Variants in DMD observed in about 807,000 individuals in gnomAD.
DMD encodes dystrophin, also known as mutant dystrophin.
In DMD, 63 loss-of-function variants were observed where a neutral mutation model predicts 330.1. That is an observed-to-expected ratio of 0.19 (90% CI 0.16 to 0.24). The LOEUF is 0.24. Ranked by LOEUF, DMD falls within the 10% of genes least tolerant of loss-of-function variation. The probability of loss-of-function intolerance (pLI) is 1.00; values close to 1 mark genes in which losing one functional copy is unlikely to be tolerated. For synonymous variants in DMD, 1,223 were observed against 959.8 expected (o/e 1.27, Z -5.07); for missense variants, 3,344 against 2,684.1 (o/e 1.25, Z -5.43).
chrX:33,293,598 C>T (rs2053544269), intron 1 of DMD, among the ~76,000 whole-genome samples: 1 of 110,858 alleles, frequency 9.0e-6, no homozygotes, highest in South Asian at 3.8e-4. Flanking sequence ...ATGATCATAC[C>T]TAGCTGCAAT....
At chrX:31,764,756 G>C (rs1348807963) in intron 51 of DMD, among the ~76,000 whole-genome samples, 3 of 111,614 alleles carry the variant, frequency 2.7e-5, no homozygotes, top group South Asian at 3.7e-4. Context: ...TAATTGAAGA[G>C]AGAAGATGAC....
intron 1 of DMD, among the ~76,000 whole-genome samples, chrX:33,199,787 G>A (rs763462229): frequency 4.0e-4 from 45 of 111,330 alleles, no homozygotes; most frequent in African/African-American, 1.3e-3. Flanking sequence ...CTCCAAAGTA[G>A]TAGTGAAGCC....
rs565107629 is a variant in DMD at position 32,287,500 on chromosome X, G to A, written c.6290+29C>T. ...CCCTGAAAACAAATCATTTCTGCAA[G>A]TATCAAGAAAAATATATGTGTTACC... On this transcript the variant is annotated intron_variant, in intron 43 of 78. Coordinates refer to ENST00000357033, the MANE Select transcript of DMD (RefSeq NM_004006.3). 1.8e-5 allele frequency: 21 copies of A among 1,186,956 alleles called. No individual in the cohort carries two copies. In the East Asian group the frequency reaches 2.7e-4, roughly 15 times the overall value.
intron 17 of DMD, among the ~76,000 whole-genome samples, chrX:32,537,786 CA>C (rs2048124895): frequency 1.8e-5 from 2 of 112,229 alleles, no homozygotes; most frequent in African/African-American, 6.5e-5. Context: ...TTTCTTCACT[CA>C]AAAAACGAAC....
At chrX:31,753,771 A>G (rs1000463120) in intron 51 of DMD, among the ~76,000 whole-genome samples, 1 of 111,969 alleles carries the variant, frequency 8.9e-6, no homozygotes, top group Non-Finnish European at 1.9e-5. Context: ...ATTCCTGTAC[A>G]TAAATTTTGT....
chrX:31,449,410 T>C (rs2065523029), intron 59 of DMD, among the ~76,000 whole-genome samples: 1 of 111,201 alleles, frequency 9.0e-6, no homozygotes, highest in Non-Finnish European at 1.9e-5. Flanking sequence ...CCTGACTTTC[T>C]CATTTTCTCC....
At chrX:32,472,402 T>A in intron 21 of DMD, 93 bp from the exon 22 acceptor site, 1 of 833,938 alleles carries the variant, frequency 1.2e-6, no homozygotes, top group Admixed American at 2.7e-5. Flanking sequence ...ATTATATTAC[T>A]AGTTTCAAAT....
At chrX:31,892,124 A>C (rs1311437649) in intron 47 of DMD, among the ~76,000 whole-genome samples, 1 of 111,961 alleles carries the variant, frequency 8.9e-6, no homozygotes, top group African/African-American at 3.2e-5. Flanking sequence ...AAACTTGAAT[A>C]TTTCAAGTGG....
intron 47 of DMD, among the ~76,000 whole-genome samples, chrX:31,888,637 T>A (rs1265379328): frequency 8.9e-6 from 1 of 111,925 alleles, no homozygotes; most frequent in Non-Finnish European, 1.9e-5. Context: ...CAAAGATATC[T>A]TCCCAGGCAC....
In DMD at chrX:32,331,560, GAC is replaced by G. The variant is rs374568116; in HGVS notation, c.5922+10538_5922+10539del. On this transcript the variant is annotated intron_variant, in intron 41 of 78. Coordinates refer to ENST00000357033, the MANE Select transcript of DMD (RefSeq NM_004006.3). ...AAATTTCCACTTGATAGAAAAATTTGACACAGTATATTACTATGTTTTTTCTT... is the reference window on the plus strand; with the variant it reads ...AAATTTCCACTTGATAGAAAAATTTGACAGTATATTACTATGTTTTTTCTT... Among the ~76,000 whole-genome samples the G allele has an allele frequency of 4.4e-4, 49 of 110,719 alleles. 1 individual carries two copies. In the South Asian group the frequency reaches 0.018, roughly 40 times the overall value.
chrX:32,282,408 A>G (rs1191990287), intron 43 of DMD, among the ~76,000 whole-genome samples: 1 of 112,190 alleles, frequency 8.9e-6, no homozygotes, highest in East Asian at 2.8e-4. Context: ...TTTAGCAGTA[A>G]TATTAATTTC....
intron 44 of DMD, among the ~76,000 whole-genome samples, chrX:32,209,770 C>G (rs1275634011): frequency 9.0e-6 from 1 of 111,707 alleles, no homozygotes; most frequent in African/African-American, 3.3e-5. Context: ...GTGGTTACTA[C>G]AGTAAGTTAT....
At chrX:32,563,090 C>G (rs2051225756) in intron 16 of DMD, among the ~76,000 whole-genome samples, 1 of 110,658 alleles carries the variant, frequency 9.0e-6, no homozygotes, top group South Asian at 3.8e-4. Flanking sequence ...TCTGTAATCT[C>G]AGCACTTTGG....
chrX:31,860,229 A>G (rs2093678185), intron 48 of DMD, among the ~76,000 whole-genome samples: 1 of 112,637 alleles, frequency 8.9e-6, no homozygotes, highest in South Asian at 3.6e-4. Context: ...AATATGCAGT[A>G]AAAGCATTAT....
chrX:33,197,055 T>C (rs987466524), intron 1 of DMD, among the ~76,000 whole-genome samples: 3 of 111,364 alleles, frequency 2.7e-5, no homozygotes, highest in African/African-American at 9.8e-5. Context: ...ATTCAATCAG[T>C]GATGCACGTT....
intron 55 of DMD, among the ~76,000 whole-genome samples, chrX:31,536,105 T>C (rs1174464992): frequency 8.9e-6 from 1 of 111,934 alleles, no homozygotes; most frequent in Non-Finnish European, 1.9e-5. Flanking sequence ...GGAGTTAAAA[T>C]CTCAAGATAG....
rs150845011 is a variant in DMD, at chrX:31,394,185, G to C, written c.9085-45551C>G. 1.6e-3 allele frequency among the ~76,000 whole-genome samples: 184 copies of C among 112,382 alleles called. 1 individual carries two copies. The highest frequency in any genetic ancestry group is 5.6e-3 in the African/African-American group (175 of 31,024). On this transcript the variant is annotated intron_variant, in intron 60 of 78. Transcript: ENST00000357033. ...TAACATTTGTATGCAACTTAAGAAA[G>C]ATGAAGTTATTTGGAAAAGGGATTG... is the stretch of plus-strand genomic sequence containing the variant.
rs763945709 is a variant in DMD, at chrX:32,485,115, T to G, written c.2623-16A>C. 1 of 1,199,300 alleles carries G rather than the reference T, an allele frequency of 8.3e-7. No individual in the cohort carries two copies. The highest frequency in any genetic ancestry group is 3.0e-5 in the East Asian group (1 of 33,686). ...TGACTTCATCCTGTGCCATAGAGTATGGAAAGTAAGTAACACGTTTACTTT... is the reference window on the plus strand; with the variant it reads ...TGACTTCATCCTGTGCCATAGAGTAGGGAAAGTAAGTAACACGTTTACTTT... On this transcript the variant is annotated splice_polypyrimidine_tract_variant and intron_variant, in intron 20 of 78. Transcript: ENST00000357033.
intron 1 of DMD, among the ~76,000 whole-genome samples, chrX:33,208,930 G>A (rs2051734367): frequency 9.0e-6 from 1 of 111,155 alleles, no homozygotes; most frequent in African/African-American, 3.3e-5. Context: ...CCAAGACAAT[G>A]ATTTTAATCT....
Sources: gnomAD v4.1 joint callset for allele counts (sites outside exome capture counted in the v4.1 genomes callset) on GRCh38, gnomAD v4.1.1 for gene constraint, MANE v1.5 for transcripts, NCBI Gene and HGNC (gene_info 2026-07-23, HGNC 2026-07-21) for gene names.